The following SLC22A23 variants were observed in gnomAD, a reference collection of about 807,000 sequenced individuals.
SLC22A23 encodes the protein ion transporter protein.
SLC22A23 carries 26 observed loss-of-function variants against 61.0 expected under a neutral mutation model. That is an observed-to-expected ratio of 0.43 (90% confidence interval 0.31 to 0.59). The LOEUF (loss-of-function observed/expected upper bound fraction) is 0.59. Ranked by LOEUF, SLC22A23 falls within the 20% of genes least tolerant of loss-of-function variation. The pLI is 0.11. For synonymous variants in SLC22A23, 430 were observed against 413.9 expected (o/e 1.04, Z -0.47); for missense variants, 796 against 934.7 (o/e 0.85, Z 1.94).
chr6:3,294,041 A>G (rs1262268933), intron 5 of SLC22A23, among the ~76,000 whole-genome samples: 1 of 152,154 alleles, frequency 6.6e-6, no homozygotes, highest in Non-Finnish European at 1.5e-5. Flanking sequence ...ACAAGGAAGA[A>G]GACAGGAGTG....
chr6:3,411,128 TGGTCCACA>T (rs1264138816), intron 2 of SLC22A23, among the ~76,000 whole-genome samples: 2 of 152,144 alleles, frequency 1.3e-5, no homozygotes, highest in African/African-American at 4.8e-5. Context: ...CAGTAGAGGG[TGGTCCACA>T]AGAATGGGGA....
intron 3 of SLC22A23, among the ~76,000 whole-genome samples, chr6:3,388,879 A>C (rs144142947): frequency 1.2e-3 from 182 of 152,280 alleles, no homozygotes; most frequent in Middle Eastern, 3.4e-3. Context: ...TCAAAGAGAC[A>C]GACAGCAGAA....
intron 3 of SLC22A23, among the ~76,000 whole-genome samples, chr6:3,377,449 C>T (rs1250839407): frequency 6.6e-6 from 1 of 152,190 alleles, no homozygotes; most frequent in African/African-American, 2.4e-5. Context: ...TCTGCCAGGC[C>T]TCCTGGACCC....
intron 5 of SLC22A23, 116 bp from the exon 6 acceptor site, chr6:3,289,982 T>C (rs1760424142): frequency 1.1e-5 from 1 of 88,888 alleles, no homozygotes; most frequent in African/African-American, 1.4e-4. Flanking sequence ...AGAGAGAAGC[T>C]TTTTTTTTTT....
Position 3,272,883 on chromosome 6 carries a change from C to T in SLC22A23, c.*172G>A. 1.8e-6 allele frequency: 1 copy of T among 570,852 alleles called. No homozygotes were observed. Among genetic ancestry groups the T allele is most frequent in the Non-Finnish European group, 3.0e-6 (1 of 331,212 alleles). The allele number at this position is 570,852 out of a possible 1,614,324, so 35.4% of individuals were successfully genotyped here. A position where few individuals can be genotyped will look rare whatever the true frequency, so the allele number is the denominator to read the frequency against. On this transcript the variant is annotated 3_prime_UTR_variant, in exon 10 of 10. Coordinates refer to ENST00000406686, the MANE Select transcript of SLC22A23 (RefSeq NM_015482.2). ...GGGTTATTTCCAAAGAGTTTGTCTC[C>T]TCCGACCCGCGCTCCTTGGACTTTT...
chr6:3,346,895 T>A (rs554218859), intron 3 of SLC22A23, among the ~76,000 whole-genome samples: 30 of 152,276 alleles, frequency 2.0e-4, no homozygotes, highest in African/African-American at 7.0e-4. Context: ...CCTAGTAGCA[T>A]CTAAAGGACA....
intron 3 of SLC22A23, among the ~76,000 whole-genome samples, chr6:3,398,617 A>T (rs963619214): frequency 6.6e-6 from 1 of 152,162 alleles, no homozygotes; most frequent in Non-Finnish European, 1.5e-5. Context: ...ACCTGGGAAC[A>T]CTGCCCTGAA....
intron 3 of SLC22A23, among the ~76,000 whole-genome samples, chr6:3,338,629 TTTTA>T (rs1389857357): frequency 6.6e-6 from 1 of 152,216 alleles, no homozygotes; most frequent in Non-Finnish European, 1.5e-5. Context: ...CTTTAGTCAG[TTTTA>T]TTGGCAGGGT....
intron 3 of SLC22A23, among the ~76,000 whole-genome samples, chr6:3,349,934 G>A (rs1174407000): frequency 6.6e-6 from 1 of 152,236 alleles, no homozygotes; most frequent in African/African-American, 2.4e-5. Flanking sequence ...CACGAAGGCA[G>A]ATGATCACGG....
intron 1 of SLC22A23, among the ~76,000 whole-genome samples, chr6:3,436,158 C>CT (rs34233176): frequency 2.3e-4 from 34 of 149,120 alleles, no homozygotes; most frequent in Admixed American, 4.7e-4. Context: ...GTCATCTATA[C>CT]TTTTTTTTTT....
At chr6:3,408,797 CCT>C (rs770018800) in intron 3 of SLC22A23, among the ~76,000 whole-genome samples, 1 of 152,196 alleles carries the variant, frequency 6.6e-6, no homozygotes, top group Non-Finnish European at 1.5e-5. Flanking sequence ...AGAGCTGTCC[CCT>C]TTTATGACCA....
chr6:3,450,837 G>A (rs1412788674), intron 1 of SLC22A23, among the ~76,000 whole-genome samples: 1 of 152,122 alleles, frequency 6.6e-6, no homozygotes, highest in Non-Finnish European at 1.5e-5. Flanking sequence ...GGAATTGTGG[G>A]CTATTTTTAA....
At chr6:3,453,318 A>C (rs1772240946) in intron 1 of SLC22A23, among the ~76,000 whole-genome samples, 1 of 152,216 alleles carries the variant, frequency 6.6e-6, no homozygotes, top group Admixed American at 6.5e-5. Context: ...TATTTACCAA[A>C]GTGTGCCTTC....
intron 6 of SLC22A23, among the ~76,000 whole-genome samples, chr6:3,289,020 A>C (rs1052073493): frequency 6.6e-6 from 1 of 152,184 alleles, no homozygotes; most frequent in African/African-American, 2.4e-5. Flanking sequence ...GCAGCTCGAG[A>C]CCTTTCACAA....
chr6:3,440,411 G>A (rs1214888494), intron 1 of SLC22A23, among the ~76,000 whole-genome samples: 2 of 152,098 alleles, frequency 1.3e-5, no homozygotes, highest in African/African-American at 2.4e-5. Flanking sequence ...GTCCCTATAA[G>A]AAGAGGAGAT....
chr6:3,409,588 G>GGT lies in SLC22A23; in HGVS notation c.913+598_913+599dup, dbSNP rs1221330462. On this transcript the variant is annotated intron_variant, in intron 3 of 9. Transcript: ENST00000406686. ...GCCTAAAACTCTTCTTCTCCTTATG[G>GGT]GTGTGTGGTTGTGTTCTAGCAAACA... Among the ~76,000 whole-genome samples the GGT allele has an allele frequency of 2.0e-5, 3 of 152,252 alleles. No individual in the cohort carries two copies. In the East Asian group the frequency reaches 5.8e-4, roughly 29 times the overall value.
intron 5 of SLC22A23, among the ~76,000 whole-genome samples, chr6:3,294,156 A>G (rs1381180935): frequency 6.6e-6 from 1 of 152,166 alleles, no homozygotes; most frequent in Non-Finnish European, 1.5e-5. Flanking sequence ...CCTGTAAAGT[A>G]GGGAGAATGG....
At position 3,353,434 on chromosome 6, in the gene SLC22A23, C is replaced by T. The variant is rs189661824; in HGVS notation, c.914-29432G>A. Among the ~76,000 whole-genome samples, 9 of 152,302 alleles carry T rather than the reference C, an allele frequency of 5.9e-5. No homozygotes were observed. In the East Asian group the frequency reaches 1.7e-3, roughly 29 times the overall value. The stretch of plus-strand genomic sequence containing the variant: ...CCTGTGTCTCAACATCTGGCTTGAG[C>T]GGTTTGGCTTCAGGCCTGAATCCCA... On this transcript the variant is annotated intron_variant, in intron 3 of 9. Transcript: ENST00000406686.
At chr6:3,373,107 T>C (rs1342343149) in intron 3 of SLC22A23, among the ~76,000 whole-genome samples, 1 of 152,218 alleles carries the variant, frequency 6.6e-6, no homozygotes, top group African/African-American at 2.4e-5. Flanking sequence ...ATGTGGATTG[T>C]GCCAAGCAAG....
Sources: allele counts gnomAD v4.1 joint callset (sites outside exome capture counted in the v4.1 genomes callset), GRCh38; gene constraint gnomAD v4.1.1; transcripts MANE v1.5; gene names NCBI Gene and HGNC (gene_info 2026-07-23, HGNC 2026-07-21).